Variants in CSMD1 observed in about 807,000 individuals in gnomAD.
The protein encoded by CSMD1 is CUB and Sushi multiple domains 1.
A neutral mutation model predicts 417.5 loss-of-function variants in CSMD1; 213 were observed. The observed-to-expected ratio is 0.51, with a 90% CI of 0.46 to 0.57. The LOEUF (loss-of-function observed/expected upper bound fraction) is 0.57, where lower values mean the gene tolerates loss of function less well. CSMD1 is among the 20% of genes least tolerant of loss of function. The probability of loss-of-function intolerance (pLI) is 0.00; values close to 1 mark genes in which losing one functional copy is unlikely to be tolerated. For synonymous variants in CSMD1, 2,862 were observed against 1,736.8 expected (o/e 1.65, Z -16.11); for missense variants, 6,923 against 4,529.7 (o/e 1.53, Z -15.17).
At chr8:4,732,366 T>TGTGC (rs756646206) in intron 1 of CSMD1, among the ~76,000 whole-genome samples, 1 of 148,866 alleles carries the variant, frequency 6.7e-6, no homozygotes, top group Admixed American at 6.7e-5. Context: ...TGTGTGTGTG[T>TGTGC]GTGTGTGTGT....
chr8:4,457,661 G>A (rs1268645058), intron 2 of CSMD1, among the ~76,000 whole-genome samples: 1 of 152,126 alleles, frequency 6.6e-6, no homozygotes, highest in African/African-American at 2.4e-5. Context: ...ATGATGTTAA[G>A]CTCAGACAAT....
At chr8:4,950,979 AAAACAAAAAC>A (rs1372043270) in intron 1 of CSMD1, among the ~76,000 whole-genome samples, 17 of 99,726 alleles carry the variant, frequency 1.7e-4, no homozygotes, top group South Asian at 9.5e-4. Context: ...AACAAAAACA[AAAACAAAAAC>A]AAACAAACAA....
At chr8:3,941,420 G>C (rs772159989) in intron 5 of CSMD1, among the ~76,000 whole-genome samples, 2 of 152,126 alleles carry the variant, frequency 1.3e-5, no homozygotes, top group African/African-American at 4.8e-5. Flanking sequence ...AAATATTTCT[G>C]TCCATCAGTC....
chr8:4,304,467 G>C (rs1798140911), intron 3 of CSMD1, among the ~76,000 whole-genome samples: 1 of 152,168 alleles, frequency 6.6e-6, no homozygotes, highest in Admixed American at 6.5e-5. Context: ...AAGTCACCCA[G>C]ATAGTACAGA....
chr8:4,905,465 G>A (rs1022380481), intron 1 of CSMD1, among the ~76,000 whole-genome samples: 3 of 151,896 alleles, frequency 2.0e-5, no homozygotes, highest in African/African-American at 4.8e-5. Flanking sequence ...TCTGCTTTAG[G>A]CATTCTAAAA....
At chr8:3,729,824 T>C (rs1463595941) in intron 6 of CSMD1, among the ~76,000 whole-genome samples, 1 of 149,464 alleles carries the variant, frequency 6.7e-6, no homozygotes, top group Non-Finnish European at 1.5e-5. Flanking sequence ...AGCATATTTA[T>C]AAACAAGGCA....
chr8:3,272,423 T>C (rs987475476), intron 26 of CSMD1, among the ~76,000 whole-genome samples: 3 of 150,978 alleles, frequency 2.0e-5, no homozygotes, highest in African/African-American at 7.3e-5. Flanking sequence ...GGCTCCTTTT[T>C]GGTTCCATAT....
chr8:4,765,791 G>A (rs1047039864), intron 1 of CSMD1, among the ~76,000 whole-genome samples: 2 of 152,180 alleles, frequency 1.3e-5, no homozygotes, highest in Non-Finnish European at 1.5e-5. Context: ...GAGCCTGGGG[G>A]TTGATGAAAG....
intron 26 of CSMD1, among the ~76,000 whole-genome samples, chr8:3,270,932 TTTATTA>T (rs1019895172): frequency 2.0e-4 from 16 of 81,606 alleles, no homozygotes; most frequent in South Asian, 1.3e-3. Flanking sequence ...TAATTTTTTA[TTTATTA>T]TTATTATACT....
intron 2 of CSMD1, among the ~76,000 whole-genome samples, chr8:4,609,527 TG>T (rs1318793772): frequency 1.3e-5 from 2 of 152,222 alleles, no homozygotes; most frequent in East Asian, 3.9e-4. Context: ...AACAACACTA[TG>T]CTTTCTTTAT....
chr8:3,603,983 T>C (rs560499798), intron 8 of CSMD1, among the ~76,000 whole-genome samples: 1 of 152,280 alleles, frequency 6.6e-6, no homozygotes, highest in South Asian at 2.1e-4. Flanking sequence ...AAATGAAAAT[T>C]TTGCATACTG....
chr8:3,178,991 A>G (rs1821117995), intron 37 of CSMD1, among the ~76,000 whole-genome samples: 2 of 144,988 alleles, frequency 1.4e-5, no homozygotes, highest in African/African-American at 5.2e-5. Context: ...TCTGTCACCC[A>G]GGCTGGAGTG....
intron 23 of CSMD1, among the ~76,000 whole-genome samples, chr8:3,315,299 T>A (rs1248010179): frequency 6.6e-6 from 1 of 152,146 alleles, no homozygotes. Context: ...TTAAATTTAT[T>A]TTTTATAGTT....
chr8:4,114,738 C>T (rs1018158605), intron 3 of CSMD1, among the ~76,000 whole-genome samples: 1 of 152,146 alleles, frequency 6.6e-6, no homozygotes, highest in Non-Finnish European at 1.5e-5. Context: ...TTGATTCCAA[C>T]ACTTTACAGT....
At chr8:4,874,622 C>T (rs1026630483) in intron 1 of CSMD1, among the ~76,000 whole-genome samples, 1 of 151,768 alleles carries the variant, frequency 6.6e-6, no homozygotes, top group East Asian at 1.9e-4. Flanking sequence ...AACTCCTGAC[C>T]TCAGGTGATC....
At chr8:4,231,351 G>C (rs935045774) in intron 3 of CSMD1, among the ~76,000 whole-genome samples, 2 of 152,088 alleles carry the variant, frequency 1.3e-5, no homozygotes, top group Non-Finnish European at 2.9e-5. Context: ...AAATCACCTA[G>C]CATTGCTGGA....
At chr8:4,397,527 T>C (rs1804329190) in intron 3 of CSMD1, among the ~76,000 whole-genome samples, 1 of 126,782 alleles carries the variant, frequency 7.9e-6, no homozygotes, top group South Asian at 2.5e-4. Flanking sequence ...GAGACTCTTT[T>C]TTTTTTTTTT....
intron 2 of CSMD1, among the ~76,000 whole-genome samples, chr8:4,584,295 C>T (rs550656561): frequency 1.3e-5 from 2 of 152,038 alleles, no homozygotes; most frequent in Admixed American, 6.6e-5. Flanking sequence ...AGACAATCGC[C>T]GAGTGGTGAG....
chr8:4,015,623 A>T (rs555757710), intron 4 of CSMD1, among the ~76,000 whole-genome samples: 21 of 150,910 alleles, frequency 1.4e-4, no homozygotes, highest in African/African-American at 5.1e-4. Flanking sequence ...TCCAAGAAAT[A>T]CAACAGTCTC....
Sources: gnomAD v4.1 joint callset for allele counts (sites outside exome capture counted in the v4.1 genomes callset) on GRCh38, gnomAD v4.1.1 for gene constraint, MANE v1.5 for transcripts, NCBI Gene and HGNC (gene_info 2026-07-23, HGNC 2026-07-21) for gene names.